The following GSE1 variants were observed in gnomAD, a reference collection of about 807,000 sequenced individuals.
GSE1 encodes genetic suppressor element 1.
GSE1 carries 32 observed loss-of-function variants against 112.6 expected under a neutral mutation model. The ratio of observed to expected loss-of-function variants is 0.28; its 90% CI spans 0.21 to 0.38. The LOEUF is 0.38. Ranked by LOEUF, GSE1 falls within the 10% of genes least tolerant of loss-of-function variation. The pLI is 1.00. For synonymous variants in GSE1, 1,115 were observed against 735.6 expected, an observed-to-expected ratio of 1.52 and a Z score of -8.35; for missense variants, 2,348 against 1,699.2, an observed-to-expected ratio of 1.38 and a Z score of -6.71.
chr16:85,382,571 G>A (rs932287427), intron 2 of GSE1, among the ~76,000 whole-genome samples: 1 of 152,200 alleles, frequency 6.6e-6, no homozygotes, highest in Non-Finnish European at 1.5e-5. Flanking sequence ...GTACCTGCCT[G>A]TGCCCGGGCT....
At chr16:85,345,959 C>T (rs2046725170) in intron 1 of GSE1, among the ~76,000 whole-genome samples, 1 of 151,240 alleles carries the variant, frequency 6.6e-6, no homozygotes, top group Non-Finnish European at 1.5e-5. Context: ...GACACATGGA[C>T]ACGTCAATGA....
Position 85,539,768 on chromosome 16 carries a change from G to A in GSE1, c.2465-94146G>A, listed in dbSNP as rs1369791760. The stretch of plus-strand genomic sequence containing the variant: ...TAGAGTGATTCACCAGGCTCACCCA[G>A]AACAGGCGGATGGCTGCCCTGTCCC... On this transcript the variant is annotated intron_variant, in intron 2 of 2. Transcript: ENST00000637419. Among the ~76,000 whole-genome samples the A allele has an allele frequency of 1.1e-4, 16 of 152,320 alleles. 1 individual carries two copies. The highest frequency in any genetic ancestry group is 2.1e-4 in the South Asian group (1 of 4,830).
chr16:85,331,361 G>GTATATATA (rs1299782485), intron 1 of GSE1, among the ~76,000 whole-genome samples: 3,566 of 66,736 alleles, frequency 0.053, 493 homozygotes, highest in East Asian at 0.092. Context: ...GTGTGTGTGT[G>GTATATATA]TGTGTATATA....
intron 2 of GSE1, among the ~76,000 whole-genome samples, chr16:85,523,970 G>A (rs918342150): frequency 6.6e-6 from 1 of 152,194 alleles, no homozygotes. Flanking sequence ...AACGCCTTGG[G>A]GAGGGGAGGG....
intron 2 of GSE1, among the ~76,000 whole-genome samples, chr16:85,397,612 G>A (rs1016595347): frequency 2.0e-5 from 3 of 152,180 alleles, no homozygotes; most frequent in Admixed American, 6.5e-5. Flanking sequence ...GGGAGCCTTC[G>A]GGTTCTGACT....
chr16:85,576,414 C>T (rs961444606), intron 1 of GSE1, among the ~76,000 whole-genome samples: 6 of 152,108 alleles, frequency 3.9e-5, no homozygotes, highest in South Asian at 2.1e-4. Context: ...TTTTGAAAAG[C>T]GAAGGGAAGC....
At chr16:85,474,535 G>A (rs1405864176) in intron 2 of GSE1, among the ~76,000 whole-genome samples, 2 of 152,084 alleles carry the variant, frequency 1.3e-5, no homozygotes, top group African/African-American at 4.8e-5. Flanking sequence ...CCGGGTGCCT[G>A]TGCTGATGAC....
chr16:85,494,570 A>AT (rs1289144988), intron 2 of GSE1, among the ~76,000 whole-genome samples: 2 of 151,596 alleles, frequency 1.3e-5, no homozygotes, highest in East Asian at 3.9e-4. Flanking sequence ...CGCCCAGCTA[A>AT]TTTTTTGTAT....
chr16:85,619,846 C>T (rs530290725), intron 1 of GSE1, among the ~76,000 whole-genome samples: 1 of 152,144 alleles, frequency 6.6e-6, no homozygotes, highest in Non-Finnish European at 1.5e-5. Context: ...CCCGGGGATC[C>T]ATATCCTCCC....
intron 8 of GSE1, among the ~76,000 whole-genome samples, chr16:85,659,985 C>T (rs1453528668): frequency 6.6e-6 from 1 of 152,246 alleles, no homozygotes; most frequent in Non-Finnish European, 1.5e-5. Context: ...CTTCATTTCA[C>T]AGTGGGTTTG....
rs117738441 is a variant in GSE1 at position 85,559,792 on chromosome 16, G to A, written c.37+3429G>A. Among the ~76,000 whole-genome samples, 860 of 152,258 alleles carry A rather than the reference G, an allele frequency of 5.6e-3. 1 individual carries two copies. The highest frequency in any genetic ancestry group is 8.9e-3 in the Non-Finnish European group (608 of 68,024). On this transcript the variant is annotated intron_variant, in intron 1 of 2. Coordinates refer to the GSE1 transcript ENST00000635906. ...GGCAAGGGTCAGCAATCCATGGCCC[G>A]GCCCATTGTAAGTCAAGTTTGATTG...
At chr16:85,346,242 T>TGATG (rs1178932007) in intron 1 of GSE1, among the ~76,000 whole-genome samples, 3 of 143,460 alleles carry the variant, frequency 2.1e-5, no homozygotes, top group Non-Finnish European at 4.5e-5. Flanking sequence ...GGTGGGTGGA[T>TGATG]GATGGATGGA....
intron 1 of GSE1, among the ~76,000 whole-genome samples, chr16:85,281,049 C>A (rs74031773): frequency 6.6e-6 from 1 of 152,134 alleles, no homozygotes; most frequent in South Asian, 2.1e-4. Context: ...TTGAGATGAA[C>A]GGCTCTCCCT....
intron 2 of GSE1, among the ~76,000 whole-genome samples, chr16:85,544,107 T>C (rs1019390735): frequency 6.6e-6 from 1 of 152,170 alleles, no homozygotes. Flanking sequence ...AGTGTTGGGA[T>C]TACAGGCGTG....
chr16:85,616,235 C>T (rs1189285272), intron 1 of GSE1, among the ~76,000 whole-genome samples: 2 of 152,252 alleles, frequency 1.3e-5, no homozygotes, highest in African/African-American at 4.8e-5. Flanking sequence ...GTCTGTCCTC[C>T]CCTGCTCTGA....
intron 2 of GSE1, among the ~76,000 whole-genome samples, chr16:85,456,185 C>T (rs1183897679): frequency 6.6e-6 from 1 of 152,116 alleles, no homozygotes. Context: ...TTGGAGGACA[C>T]CTGGGCCAGA....
At chr16:85,664,311 G>A (rs901193646) in intron 11 of GSE1, among the ~76,000 whole-genome samples, 1 of 152,216 alleles carries the variant, frequency 6.6e-6, no homozygotes, top group Non-Finnish European at 1.5e-5. Flanking sequence ...GGAGAAAGTC[G>A]AAGGAAAGCA....
intron 2 of GSE1, chr16:85,490,643 T>C (rs1212935778): frequency 6.6e-6 from 1 of 152,188 alleles, no homozygotes; most frequent in Non-Finnish European, 1.5e-5. Flanking sequence ...CACGAGTGGA[T>C]GCTGTGGCTG....
chr16:85,502,870 G>A (rs888747924), intron 2 of GSE1, among the ~76,000 whole-genome samples: 1 of 152,242 alleles, frequency 6.6e-6, no homozygotes, highest in African/African-American at 2.4e-5. Flanking sequence ...GCAAGCAGGG[G>A]GGTGAAAAAG....
Sources: allele counts gnomAD v4.1 joint callset (sites outside exome capture counted in the v4.1 genomes callset), GRCh38; gene constraint gnomAD v4.1.1; transcripts MANE v1.5; gene names NCBI Gene and HGNC (gene_info 2026-07-23, HGNC 2026-07-21).